The following KANK1 variants were observed in gnomAD, a reference collection of about 807,000 sequenced individuals.
The protein encoded by KANK1 is KN motif and ankyrin repeat domains 1.
A neutral mutation model predicts 106.2 loss-of-function variants in KANK1; 109 were observed. The ratio of observed to expected loss-of-function variants is 1.03; its 90% CI spans 0.88 to 1.20. KANK1 has a LOEUF of 1.20. KANK1 is among the 50% of genes most tolerant of loss of function. The probability of loss-of-function intolerance (pLI) is 0.00; values close to 1 mark genes in which losing one functional copy is unlikely to be tolerated. For synonymous variants in KANK1, 873 were observed against 652.2 expected (o/e 1.34, Z -5.16); for missense variants, 2,399 against 1,710.7 (o/e 1.40, Z -7.10).
intron 2 of KANK1, chr9:707,203 T>C: frequency 1.0e-6 from 1 of 986,214 alleles, no homozygotes; most frequent in Middle Eastern, 5.2e-4. Context: ...GAGCGAGCTG[T>C]GCGGGGCAGC....
chr9:671,332 A>C (rs1206821639), intron 1 of KANK1, among the ~76,000 whole-genome samples: 1 of 151,916 alleles, frequency 6.6e-6, no homozygotes, highest in East Asian at 1.9e-4. Context: ...CTGCTCTAGT[A>C]ATTCTGTGCA....
Position 581,148 on chromosome 9 carries a change from C to T in KANK1, c.-84+76394C>T, listed in dbSNP as rs370800322. On this transcript the variant is annotated intron_variant, in intron 1 of 11. Transcript: ENST00000382297. ...TGTGTGCAGCCCCAGTTCCCACCCA[C>T]GGCTTTCCCTCCACATCTCCCCGCA... is the stretch of plus-strand genomic sequence containing the variant. Among the ~76,000 whole-genome samples the T allele has an allele frequency of 6.6e-4, 100 of 152,270 alleles. No individual in the cohort carries two copies. In the East Asian group the frequency reaches 0.015, roughly 23 times the overall value.
chr9:648,075 C>T (rs1323361113), intron 1 of KANK1, among the ~76,000 whole-genome samples: 2 of 144,146 alleles, frequency 1.4e-5, no homozygotes, highest in African/African-American at 5.5e-5. Flanking sequence ...GCAATCTTGG[C>T]TCACTGCAAC....
chr9:667,694 C>T (rs1038982994), intron 1 of KANK1, among the ~76,000 whole-genome samples: 1 of 150,558 alleles, frequency 6.6e-6, no homozygotes. Context: ...TATTCAGGAG[C>T]ATGTTGTTTA....
At chr9:580,665 G>A (rs996558424) in intron 1 of KANK1, among the ~76,000 whole-genome samples, 3 of 152,230 alleles carry the variant, frequency 2.0e-5, no homozygotes, top group African/African-American at 7.2e-5. Flanking sequence ...AGACATAAAG[G>A]TTCTCCAAGT....
chr9:701,653 G>A (rs1336880573), intron 2 of KANK1, among the ~76,000 whole-genome samples: 1 of 152,032 alleles, frequency 6.6e-6, no homozygotes, highest in African/African-American at 2.4e-5. Context: ...ATTGCCAAAT[G>A]TCCCTTCGCG....
chr9:640,694 G>A (rs557755659), intron 1 of KANK1, among the ~76,000 whole-genome samples: 197 of 150,004 alleles, frequency 1.3e-3, no homozygotes, highest in African/African-American at 4.7e-3. Context: ...ACCACGCCCG[G>A]CCTAATTTTT....
chr9:511,793 A>T (rs12342536), intron 1 of KANK1, among the ~76,000 whole-genome samples: 20,403 of 152,234 alleles, frequency 0.13, 2,183 homozygotes, highest in African/African-American at 0.29. Context: ...TTTAGGTGTG[A>T]TAACTGCTGT....
intron 1 of KANK1, among the ~76,000 whole-genome samples, chr9:590,493 C>CTTAGAGACTTCATGCATTATTA (rs1229660311): frequency 1.3e-5 from 2 of 151,974 alleles, no homozygotes; most frequent in Non-Finnish European, 2.9e-5. Flanking sequence ...TATATTTTTG[C>CTTAGAGACTTCATGCATTATTA]TTAGAGACTT....
intron 1 of KANK1, among the ~76,000 whole-genome samples, chr9:662,131 A>AG: frequency 6.6e-6 from 1 of 152,110 alleles, no homozygotes; most frequent in South Asian, 2.1e-4. Flanking sequence ...GATGTGAAGG[A>AG]CCTCTTCAAG....
intron 3 of KANK1, among the ~76,000 whole-genome samples, chr9:476,025 G>T (rs150304841): frequency 6.7e-6 from 1 of 149,214 alleles, no homozygotes; most frequent in Non-Finnish European, 1.5e-5. Flanking sequence ...GCTAATTTTT[G>T]TATTTTTAAC....
chr9:567,459 C>T (rs1349288382), intron 1 of KANK1, among the ~76,000 whole-genome samples: 1 of 152,162 alleles, frequency 6.6e-6, no homozygotes, highest in African/African-American at 2.4e-5. Context: ...AAATTTTCCC[C>T]GAAGTTAGCT....
intron 3 of KANK1, chr9:477,911 G>A (rs2058134324): frequency 1.3e-5 from 2 of 154,318 alleles, no homozygotes; most frequent in South Asian, 4.0e-4. Context: ...AGGTGCCCTG[G>A]TGGAAAACTG....
intron 2 of KANK1, among the ~76,000 whole-genome samples, chr9:677,369 T>C (rs1018675775): frequency 6.6e-5 from 10 of 152,182 alleles, no homozygotes; most frequent in Non-Finnish European, 1.3e-4. Context: ...TTAAAACCAA[T>C]TCCTAGTAGC....
At chr9:564,304 C>T (rs947629769) in intron 1 of KANK1, among the ~76,000 whole-genome samples, 3 of 151,940 alleles carry the variant, frequency 2.0e-5, no homozygotes, top group Admixed American at 6.6e-5. Flanking sequence ...CTCATGACTC[C>T]GCCCGCCTCA....
At chr9:596,476 C>T (rs1037145230) in intron 1 of KANK1, among the ~76,000 whole-genome samples, 4 of 151,772 alleles carry the variant, frequency 2.6e-5, no homozygotes, top group Non-Finnish European at 5.9e-5. Flanking sequence ...GCTTTTGTTT[C>T]TGGCAATGGA....
chr9:689,586 T>G (rs74579699), intron 2 of KANK1, among the ~76,000 whole-genome samples: 1 of 151,852 alleles, frequency 6.6e-6, no homozygotes, highest in Admixed American at 6.6e-5. Flanking sequence ...TGGACTTTCC[T>G]TTTAATCCCC....
At chr9:733,156 C>A (rs1476632994) in intron 6 of KANK1, 1 of 152,218 alleles carries the variant, frequency 6.6e-6, no homozygotes, top group East Asian at 1.9e-4. Context: ...TAAATAGTAG[C>A]TGAAAAACAC....
chr9:546,574 C>A (rs890696285), intron 1 of KANK1, among the ~76,000 whole-genome samples: 3 of 152,052 alleles, frequency 2.0e-5, no homozygotes, highest in Non-Finnish European at 4.4e-5. Flanking sequence ...CTTGCCTCTC[C>A]TACCTCTCTA....
Sources: gnomAD v4.1 joint callset for allele counts (sites outside exome capture counted in the v4.1 genomes callset) on GRCh38, gnomAD v4.1.1 for gene constraint, MANE v1.5 for transcripts, NCBI Gene and HGNC (gene_info 2026-07-23, HGNC 2026-07-21) for gene names.